NR5A2: variants seen among roughly 807,000 people sequenced by gnomAD.
The protein encoded by NR5A2 is CYP7A promoter-binding factor.
NR5A2 carries 26 observed loss-of-function variants against 62.7 expected under a neutral mutation model. The ratio of observed to expected loss-of-function variants is 0.41; its 90% CI spans 0.30 to 0.58. The LOEUF (loss-of-function observed/expected upper bound fraction) is 0.58. Among genes scored for constraint, NR5A2 ranks in the 20% least tolerant of loss-of-function variants. The pLI, the probability that NR5A2 is intolerant of heterozygous loss-of-function variation, is 0.22. For synonymous variants in NR5A2, 246 were observed against 241.7 expected (o/e 1.02, Z -0.16); for missense variants, 541 against 669.1 (o/e 0.81, Z 2.11).
At position 200,040,266 on chromosome 1, in the gene NR5A2, A is replaced by G. The variant is rs77178958; in HGVS notation, c.202+471A>G. 1.8e-3 allele frequency among the ~76,000 whole-genome samples: 276 copies of G among 152,252 alleles called. 5 individuals are homozygous for G. The East Asian group carries it at 0.037, about 20-fold the overall frequency. On this transcript the variant is annotated intron_variant, in intron 2 of 7. Transcript: ENST00000367362. ...CCTCCGAAAGGATTGTCTTAGCGCT[A>G]TTAGAATACATGTGACCACACCAAA...
chr1:200,037,103 G>A (rs1661813599), intron 1 of NR5A2, among the ~76,000 whole-genome samples: 1 of 152,134 alleles, frequency 6.6e-6, no homozygotes, highest in Non-Finnish European at 1.5e-5. Context: ...GGGTAGACTG[G>A]CATGGACCAA....
At chr1:200,148,033 G>A (rs1432642986) in intron 7 of NR5A2, 3 of 304,094 alleles carry the variant, frequency 9.9e-6, no homozygotes, top group Non-Finnish European at 1.9e-5. Context: ...ACGTTGGGCA[G>A]GTCGCTGGAG....
At chr1:200,126,647 G>C (rs1180715895) in intron 7 of NR5A2, among the ~76,000 whole-genome samples, 1 of 150,988 alleles carries the variant, frequency 6.6e-6, no homozygotes, top group Non-Finnish European at 1.5e-5. Context: ...TTCCCCTTTA[G>C]AAAGTAGGGA....
intron 5 of NR5A2, among the ~76,000 whole-genome samples, chr1:200,103,135 T>TTTTTC (rs1665467905): frequency 6.7e-6 from 1 of 148,178 alleles, no homozygotes; most frequent in Non-Finnish European, 1.5e-5. Context: ...TTTTTTTTTT[T>TTTTTC]TTTTTTGAGT....
chr1:200,151,963 C>T (rs1653149536), intron 7 of NR5A2, among the ~76,000 whole-genome samples: 1 of 152,130 alleles, frequency 6.6e-6, no homozygotes, highest in African/African-American at 2.4e-5. Context: ...TCCAGGAGTC[C>T]CAGACATACA....
chr1:200,067,451 G>A (rs1399786766), intron 5 of NR5A2, among the ~76,000 whole-genome samples: 2 of 152,326 alleles, frequency 1.3e-5, no homozygotes, highest in African/African-American at 2.4e-5. Flanking sequence ...AGCTACTCAC[G>A]AGGCTGAGGC....
intron 5 of NR5A2, among the ~76,000 whole-genome samples, chr1:200,110,385 TGAGACA>T (rs1665886746): frequency 6.6e-6 from 1 of 152,174 alleles, no homozygotes; most frequent in South Asian, 2.1e-4. Flanking sequence ...GGACTGGACA[TGAGACA>T]GATGTGCATT....
chr1:200,123,115 G>A (rs114949173), intron 7 of NR5A2, among the ~76,000 whole-genome samples: 6 of 152,062 alleles, frequency 3.9e-5, no homozygotes, highest in African/African-American at 1.5e-4. Flanking sequence ...CCTGAGCCTC[G>A]AGTCCCCTGA....
In NR5A2 at chr1:200,111,234, C is replaced by T. The variant is rs771165664; in HGVS notation, c.1143C>T (p.Cys381=). 1 of 1,612,636 alleles carries T rather than the reference C, an allele frequency of 6.2e-7. No individual in the cohort carries two copies. Among genetic ancestry groups the T allele is most frequent in the Non-Finnish European group, 8.5e-7 (1 of 1,179,752 alleles). The stretch of plus-strand genomic sequence containing the variant: ...ACCAAATGAAGCTGCTTCAGAACTG[C>T]TGGAGTGAGCTCTTAATCCTCGACC... ...VDDQMKLLQN[C]WSELLILDHI... The change falls in exon 6 of 8, where the codon TGC becomes TGT. Residue 381 remains cysteine (C), a synonymous_variant. Transcript: ENST00000367362.
At chr1:200,143,510 C>T (rs192617508) in intron 7 of NR5A2, among the ~76,000 whole-genome samples, 48 of 151,992 alleles carry the variant, frequency 3.2e-4, no homozygotes, top group Admixed American at 5.2e-4. Context: ...CCCAGCCCTG[C>T]GCCATGCTTT....
rs149528752 is a variant in NR5A2, at chr1:200,175,171, C to T, written c.*961C>T. The T allele has an allele frequency of 4.0e-4, 61 of 152,728 alleles. No individual in the cohort carries two copies. Among genetic ancestry groups the T allele is most frequent in the African/African-American group, 1.5e-3 (61 of 41,590 alleles). 9.5% of individuals were successfully genotyped at this position (152,728 alleles called of 1,614,324 possible). On this transcript the variant is annotated 3_prime_UTR_variant, in exon 8 of 8. Transcript: ENST00000367362. ...TCATTTAAAAATACAACATTAAACACATTTTGCTAGGATGTCAAATAGTCA... is the reference window on the plus strand; with the variant it reads ...TCATTTAAAAATACAACATTAAACATATTTTGCTAGGATGTCAAATAGTCA...
At chr1:200,107,338 T>C (rs1470725018) in intron 5 of NR5A2, among the ~76,000 whole-genome samples, 4 of 150,012 alleles carry the variant, frequency 2.7e-5, no homozygotes, top group African/African-American at 9.8e-5. Context: ...GGGAAGACAC[T>C]TGGGAGCTGT....
At chr1:200,038,831 T>C in intron 1 of NR5A2, 1 of 1,138,752 alleles carries the variant, frequency 8.8e-7, no homozygotes, top group South Asian at 1.4e-5. Context: ...TGGGAGGGGG[T>C]GAGGCGGGGT....
intron 7 of NR5A2, among the ~76,000 whole-genome samples, chr1:200,142,937 T>C (rs1667509519): frequency 1.3e-5 from 2 of 152,254 alleles, no homozygotes; most frequent in South Asian, 4.1e-4. Context: ...GTCAGATTCT[T>C]CCATAGAAAT....
chr1:200,156,818 G>A (rs1167945218), intron 7 of NR5A2, among the ~76,000 whole-genome samples: 1 of 152,180 alleles, frequency 6.6e-6, no homozygotes, highest in Non-Finnish European at 1.5e-5. Context: ...TAAGTATTCT[G>A]AGCACATTTA....
chr1:200,127,719 T>C (rs1329297874), intron 7 of NR5A2, among the ~76,000 whole-genome samples: 1 of 102,832 alleles, frequency 9.7e-6, no homozygotes. Flanking sequence ...AATATATATA[T>C]ATATATATAT....
intron 7 of NR5A2, among the ~76,000 whole-genome samples, chr1:200,168,948 T>C (rs1301266856): frequency 6.6e-6 from 1 of 152,262 alleles, no homozygotes; most frequent in Non-Finnish European, 1.5e-5. Flanking sequence ...TGACAGTTTA[T>C]AGATTGTCAT....
chr1:200,031,098 A>G lies in NR5A2; in HGVS notation c.64+3187A>G, dbSNP rs1324602460. ...GGGGCTTAGGCTGCCAGTTTCTTCT[A>G]TGAAGCTAAACTCTAGAGCCTCCCT... On this transcript the variant is annotated intron_variant, in intron 1 of 7. Transcript: ENST00000367362. Among the ~76,000 whole-genome samples the G allele has an allele frequency of 2.0e-5, 3 of 152,190 alleles. No individual in the cohort carries two copies. The East Asian group carries it at 5.8e-4, about 29-fold the overall frequency.
intron 5 of NR5A2, among the ~76,000 whole-genome samples, chr1:200,085,331 G>A (rs191385069): frequency 6.6e-6 from 1 of 152,110 alleles, no homozygotes; most frequent in Non-Finnish European, 1.5e-5. Flanking sequence ...AAAAGCCCCT[G>A]GTGCTGTATT....
Sources: allele counts gnomAD v4.1 joint callset (sites outside exome capture counted in the v4.1 genomes callset), GRCh38; gene constraint gnomAD v4.1.1; transcripts MANE v1.5; gene names NCBI Gene and HGNC (gene_info 2026-07-23, HGNC 2026-07-21).